CLSTN1: variants seen among roughly 807,000 people sequenced by gnomAD.
CLSTN1 encodes calsyntenin-1.
CLSTN1 carries 28 observed loss-of-function variants against 108.3 expected under a neutral mutation model. The ratio of observed to expected loss-of-function variants is 0.26; its 90% CI spans 0.19 to 0.35. The LOEUF (loss-of-function observed/expected upper bound fraction) is 0.35, where lower values mean the gene tolerates loss of function less well. Among genes scored for constraint, CLSTN1 ranks in the 10% least tolerant of loss-of-function variants. CLSTN1 has a pLI of 1.00. For synonymous variants in CLSTN1, 524 were observed against 534.9 expected, an observed-to-expected ratio of 0.98 and a Z score of 0.28; for missense variants, 1,157 against 1,302.6, an observed-to-expected ratio of 0.89 and a Z score of 1.72.
intron 1 of CLSTN1, among the ~76,000 whole-genome samples, chr1:9,820,347 T>C (rs1412308794): frequency 6.6e-6 from 1 of 152,078 alleles, no homozygotes; most frequent in African/African-American, 2.4e-5. Flanking sequence ...GGTGAAACCC[T>C]GTCTCTACTA....
intron 1 of CLSTN1, among the ~76,000 whole-genome samples, chr1:9,800,684 C>T (rs1319509381): frequency 2.0e-5 from 3 of 148,032 alleles, no homozygotes; most frequent in South Asian, 2.1e-4. Context: ...GAGCCATGAT[C>T]GTGCCACTGC....
intron 2 of CLSTN1, among the ~76,000 whole-genome samples, chr1:9,762,017 C>T (rs1053603616): frequency 2.6e-5 from 4 of 152,162 alleles, no homozygotes; most frequent in Admixed American, 2.0e-4. Flanking sequence ...CAGACAGACC[C>T]GAACCGCAAC....
rs750319735 is a variant in CLSTN1 at position 9,749,450 on chromosome 1, G to A, written c.985+11C>T. ...AAGCCAGCCGGATGCAAGAACGCCT[G>A]GTCTCCTTACCACAGAGCCGGTGGA... On this transcript the variant is annotated intron_variant, in intron 7 of 18. Transcript: ENST00000377298. 5.0e-6 allele frequency: 8 copies of A among 1,595,642 alleles called. No individual in the cohort carries two copies. The highest frequency in any genetic ancestry group is 6.8e-6 in the Non-Finnish European group (8 of 1,173,696).
intron 1 of CLSTN1, among the ~76,000 whole-genome samples, chr1:9,781,627 G>T (rs1653254955): frequency 6.6e-6 from 1 of 151,980 alleles, no homozygotes; most frequent in South Asian, 2.1e-4. Context: ...ATTTTTAGTA[G>T]AGATGGGGTT....
At chr1:9,777,608 T>G (rs574531911) in intron 1 of CLSTN1, among the ~76,000 whole-genome samples, 5 of 152,310 alleles carry the variant, frequency 3.3e-5, no homozygotes, top group African/African-American at 1.2e-4. Context: ...TACATTCACA[T>G]AAACAATATT....
chr1:9,801,946 C>CG (rs1654290293), intron 1 of CLSTN1, among the ~76,000 whole-genome samples: 1 of 152,134 alleles, frequency 6.6e-6, no homozygotes, highest in African/African-American at 2.4e-5. Flanking sequence ...CAAAAACCCT[C>CG]AACAAAGCAA....
chr1:9,810,707 G>C (rs1050798847), intron 1 of CLSTN1, among the ~76,000 whole-genome samples: 2 of 151,388 alleles, frequency 1.3e-5, no homozygotes, highest in Admixed American at 6.6e-5. Flanking sequence ...CCTGGGAGGC[G>C]GAGGTTGCAG....
intron 2 of CLSTN1, among the ~76,000 whole-genome samples, chr1:9,759,622 AC>A (rs1651974303): frequency 6.6e-6 from 1 of 152,240 alleles, no homozygotes; most frequent in South Asian, 2.1e-4. Flanking sequence ...TGGAACACAG[AC>A]ATGCTCATTT....
At chr1:9,745,765 G>GTTT (rs778360021) in intron 7 of CLSTN1, among the ~76,000 whole-genome samples, 1,064 of 100,822 alleles carry the variant, frequency 0.011, 3 homozygotes, top group Non-Finnish European at 0.014. Context: ...CTGAATAGTT[G>GTTT]TTTTTTTTTT....
intron 1 of CLSTN1, among the ~76,000 whole-genome samples, chr1:9,783,957 C>T (rs1300177531): frequency 6.6e-6 from 1 of 151,622 alleles, no homozygotes. Context: ...CACACTATTG[C>T]ACTCCAGCCT....
At chr1:9,777,217 C>CA (rs1183664020) in intron 1 of CLSTN1, among the ~76,000 whole-genome samples, 10,369 of 50,782 alleles carry the variant, frequency 0.2, 1,518 homozygotes, top group African/African-American at 0.4. Flanking sequence ...GAGACTGTCT[C>CA]AAAAAAAAAA....
At chr1:9,773,087 A>G (rs1570475196) in intron 2 of CLSTN1, among the ~76,000 whole-genome samples, 185 bp downstream of exon 2, 1 of 152,332 alleles carries the variant, frequency 6.6e-6, no homozygotes, top group East Asian at 1.9e-4. Flanking sequence ...AACTATAAGA[A>G]CAGGCCTTTT....
At chr1:9,786,078 A>G (rs1012406130) in intron 1 of CLSTN1, among the ~76,000 whole-genome samples, 10 of 152,018 alleles carry the variant, frequency 6.6e-5, no homozygotes, top group African/African-American at 2.4e-4. Flanking sequence ...CCTCCCAGCT[A>G]CTCGGGAGGC....
At chr1:9,778,920 G>A (rs1653101479) in intron 1 of CLSTN1, among the ~76,000 whole-genome samples, 1 of 152,074 alleles carries the variant, frequency 6.6e-6, no homozygotes, top group South Asian at 2.1e-4. Flanking sequence ...CTACTCAGGA[G>A]GCTGAGGCAG....
At chr1:9,757,029 C>G (rs745447212) in intron 2 of CLSTN1, among the ~76,000 whole-genome samples, 1 of 151,644 alleles carries the variant, frequency 6.6e-6, no homozygotes, top group African/African-American at 2.4e-5. Flanking sequence ...CCGCCCACCT[C>G]GGCCTCCCAA....
intron 1 of CLSTN1, among the ~76,000 whole-genome samples, chr1:9,777,876 G>A (rs1437542614): frequency 2.0e-5 from 3 of 152,048 alleles, no homozygotes; most frequent in Admixed American, 2.0e-4. Context: ...ATCCTGCCAG[G>A]GTTTCAGGGA....
At chr1:9,794,224 A>C (rs1264418377) in intron 1 of CLSTN1, among the ~76,000 whole-genome samples, 1 of 151,520 alleles carries the variant, frequency 6.6e-6, no homozygotes, top group Non-Finnish European at 1.5e-5. Flanking sequence ...TTGTCCAGAG[A>C]ATTAAATACA....
intron 1 of CLSTN1, among the ~76,000 whole-genome samples, chr1:9,814,831 T>C (rs867574487): frequency 1.5e-4 from 23 of 151,808 alleles, no homozygotes; most frequent in Middle Eastern, 6.8e-3. Context: ...CCAAGGGAGG[T>C]TGAGGCTGCA....
intron 2 of CLSTN1, among the ~76,000 whole-genome samples, chr1:9,761,221 G>A (rs564046003): frequency 6.6e-6 from 1 of 152,226 alleles, no homozygotes; most frequent in South Asian, 2.1e-4. Flanking sequence ...GAGCAGGCCT[G>A]GTAGGTCACA....
Sources: gnomAD v4.1 joint callset for allele counts (sites outside exome capture counted in the v4.1 genomes callset) on GRCh38, gnomAD v4.1.1 for gene constraint, MANE v1.5 for transcripts, NCBI Gene and HGNC (gene_info 2026-07-23, HGNC 2026-07-21) for gene names.